Variants in MARCHF10 observed in about 807,000 individuals in gnomAD.
The protein encoded by MARCHF10 is probable E3 ubiquitin-protein ligase MARCHF10.
A neutral mutation model predicts 76.2 loss-of-function variants in MARCHF10; 64 were observed. That is an observed-to-expected ratio of 0.84 (90% CI 0.69 to 1.03). The LOEUF (loss-of-function observed/expected upper bound fraction) is 1.03, where lower values mean the gene tolerates loss of function less well. MARCHF10 is among the 50% of genes least tolerant of loss of function. The pLI, the probability that MARCHF10 is intolerant of heterozygous loss-of-function variation, is 0.00. For missense variants in MARCHF10, 875 were observed against 958.0 expected (o/e 0.91, Z 1.14); for synonymous variants, 340 against 357.5 (o/e 0.95, Z 0.55).
chr17:62,752,557 C>T (rs531677753), intron 4 of MARCHF10, among the ~76,000 whole-genome samples: 28 of 152,282 alleles, frequency 1.8e-4, no homozygotes, highest in Non-Finnish European at 3.7e-4. Flanking sequence ...TTCCTTATCC[C>T]TACATCCAAG....
intron 3 of MARCHF10, among the ~76,000 whole-genome samples, chr17:62,778,726 C>A (rs2148054281): frequency 6.6e-6 from 1 of 151,100 alleles, no homozygotes; most frequent in South Asian, 2.1e-4. Context: ...AAGAGAGGGC[C>A]CTACAAAGGC....
At chr17:62,775,037 G>A (rs1568192488) in intron 3 of MARCHF10, among the ~76,000 whole-genome samples, 1 of 151,584 alleles carries the variant, frequency 6.6e-6, no homozygotes, top group African/African-American at 2.4e-5. Context: ...CTGGGCAACA[G>A]AGCAAGACTC....
chr17:62,803,159 C>G (rs560195842), intron 1 of MARCHF10, among the ~76,000 whole-genome samples: 3 of 151,994 alleles, frequency 2.0e-5, no homozygotes, highest in African/African-American at 7.3e-5. Context: ...TATTGTGATG[C>G]ATGCCTATAG....
At chr17:62,761,277 C>T (rs1274357982) in intron 3 of MARCHF10, among the ~76,000 whole-genome samples, 3 of 152,160 alleles carry the variant, frequency 2.0e-5, no homozygotes, top group Non-Finnish European at 2.9e-5. Flanking sequence ...AGAAAACAGA[C>T]CACCCTCAGA....
chr17:62,709,894 C>T (rs1167543863), intron 9 of MARCHF10, among the ~76,000 whole-genome samples: 1 of 152,150 alleles, frequency 6.6e-6, no homozygotes, highest in Admixed American at 6.5e-5. Context: ...GTTATCTGTA[C>T]CTGTTACTGC....
Position 62,791,388 on chromosome 17 carries a change from T to C in MARCHF10, c.91-2789A>G, listed in dbSNP as rs150311103. On this transcript the variant is annotated intron_variant, in intron 2 of 10. Coordinates refer to ENST00000311269, the MANE Select transcript of MARCHF10 (RefSeq NM_152598.4). ...AAGTGGAGGAGGCAGTGTTAGCAAA[T>C]GCACCAGGACCAAGGCAGATTTTGT... Among the ~76,000 whole-genome samples, 8 of 152,328 alleles carry C rather than the reference T, an allele frequency of 5.3e-5. No homozygotes were observed. In the East Asian group the frequency reaches 1.3e-3, roughly 26 times the overall value.
At chr17:62,725,331 T>C (rs867299703) in intron 6 of MARCHF10, among the ~76,000 whole-genome samples, 11 of 152,122 alleles carry the variant, frequency 7.2e-5, no homozygotes, top group Admixed American at 2.0e-4. Flanking sequence ...TGGCACAATA[T>C]TGGCCCACTG....
intron 4 of MARCHF10, chr17:62,747,067 C>G (rs1469027831): frequency 1.1e-6 from 1 of 930,136 alleles, no homozygotes; most frequent in East Asian, 2.6e-5. Context: ...TATGTCTTTT[C>G]TCTCCAACTA....
At chr17:62,798,855 G>A (rs541515196) in intron 2 of MARCHF10, among the ~76,000 whole-genome samples, 28 of 152,326 alleles carry the variant, frequency 1.8e-4, no homozygotes, top group African/African-American at 6.3e-4. Flanking sequence ...GGATGGCAGG[G>A]GCTGGAGAGC....
intron 8 of MARCHF10, among the ~76,000 whole-genome samples, chr17:62,721,953 C>T (rs1250926716): frequency 6.6e-6 from 1 of 151,900 alleles, no homozygotes; most frequent in Non-Finnish European, 1.5e-5. Flanking sequence ...CTTTTGTTCC[C>T]AACAGCAGGG....
chr17:62,737,516 C>T (rs570478203), intron 5 of MARCHF10, 184 bp from the exon 6 acceptor site: 12 of 611,416 alleles, frequency 2.0e-5, no homozygotes, highest in South Asian at 1.7e-4. Context: ...TTTACTGCCC[C>T]GTATTCTCCT....
intron 8 of MARCHF10, chr17:62,714,508 C>T (rs889263075): frequency 4.3e-6 from 3 of 698,778 alleles, no homozygotes; most frequent in East Asian, 2.6e-4. Flanking sequence ...GCAAGACCTG[C>T]ATCTGTCTTG....
intron 4 of MARCHF10, among the ~76,000 whole-genome samples, chr17:62,746,440 A>C (rs2091704471): frequency 6.9e-6 from 1 of 144,940 alleles, no homozygotes; most frequent in African/African-American, 2.5e-5. Context: ...TGAGAGGAGG[A>C]AGGTGAGAGA....
chr17:62,780,672 A>C (rs996282630), intron 3 of MARCHF10, among the ~76,000 whole-genome samples: 1 of 152,192 alleles, frequency 6.6e-6, no homozygotes, highest in Non-Finnish European at 1.5e-5. Flanking sequence ...TGGTGCACTT[A>C]AAAAACTGAC....
chr17:62,749,483 T>G (rs1297483821), intron 4 of MARCHF10, among the ~76,000 whole-genome samples: 1 of 152,190 alleles, frequency 6.6e-6, no homozygotes, highest in Non-Finnish European at 1.5e-5. Flanking sequence ...CTTTGGATCC[T>G]GGGAAGAATT....
At chr17:62,737,421 A>G in intron 5 of MARCHF10, 89 bp from the exon 6 acceptor site, 1 of 1,213,850 alleles carries the variant, frequency 8.2e-7, no homozygotes. Flanking sequence ...TGCCCTTTAA[A>G]TGCAACAGAC....
intron 2 of MARCHF10, among the ~76,000 whole-genome samples, chr17:62,796,521 A>C (rs1400285031): frequency 2.0e-5 from 3 of 152,178 alleles, no homozygotes. Flanking sequence ...AGTGGATTTG[A>C]CTTTTAGGAA....
At chr17:62,804,242 C>T (rs139112651) in intron 1 of MARCHF10, among the ~76,000 whole-genome samples, 200 of 152,216 alleles carry the variant, frequency 1.3e-3, no homozygotes, top group African/African-American at 4.6e-3. Context: ...CAAGTGTCTG[C>T]GGTGCGGCAA....
chr17:62,701,867 C>T, intron 10 of MARCHF10, 109 bp from the exon 11 acceptor site: 1 of 1,412,888 alleles, frequency 7.1e-7, no homozygotes, highest in Non-Finnish European at 9.9e-7. Flanking sequence ...CCCTGAGGCC[C>T]AGCCACCCAC....
Sources: allele counts gnomAD v4.1 joint callset (sites outside exome capture counted in the v4.1 genomes callset), GRCh38; gene constraint gnomAD v4.1.1; transcripts MANE v1.5; gene names NCBI Gene and HGNC (gene_info 2026-07-23, HGNC 2026-07-21).